The following CTNND2 variants were observed in gnomAD, a reference collection of about 807,000 sequenced individuals.
CTNND2 encodes catenin delta 2.
Under a neutral mutation model 144.4 loss-of-function variants are expected in CTNND2, and 22 were observed. The ratio of observed to expected loss-of-function variants is 0.15; its 90% CI spans 0.11 to 0.22. The LOEUF is 0.22. CTNND2 is among the 10% of genes least tolerant of loss of function. CTNND2 has a pLI of 1.00. For synonymous variants in CTNND2, 751 were observed against 695.6 expected (o/e 1.08, Z -1.25); for missense variants, 1,353 against 1,618.8 (o/e 0.84, Z 2.82).
At chr5:11,469,632 C>T (rs1367615243) in intron 3 of CTNND2, among the ~76,000 whole-genome samples, 1 of 152,222 alleles carries the variant, frequency 6.6e-6, no homozygotes, top group Non-Finnish European at 1.5e-5. Context: ...CCCAGAGCCA[C>T]ACAGTTAAGG....
intron 10 of CTNND2, among the ~76,000 whole-genome samples, chr5:11,212,420 C>T (rs1365377894): frequency 2.0e-5 from 3 of 152,198 alleles, no homozygotes; most frequent in African/African-American, 7.2e-5. Context: ...CGATTAAACT[C>T]TCAAATGCTT....
At chr5:11,194,897 T>C (rs1002438860) in intron 11 of CTNND2, among the ~76,000 whole-genome samples, 5 of 152,212 alleles carry the variant, frequency 3.3e-5, no homozygotes, top group Non-Finnish European at 7.3e-5. Flanking sequence ...CTTGGGCCCC[T>C]GGTAGTGGGA....
chr5:11,525,993 C>A lies in CTNND2; in HGVS notation c.287+38951G>T, dbSNP rs548505079. Among the ~76,000 whole-genome samples the A allele has an allele frequency of 2.6e-5, 4 of 152,332 alleles. No homozygotes were observed. In the East Asian group the frequency reaches 7.7e-4, roughly 29 times the overall value. On this transcript the variant is annotated intron_variant, in intron 3 of 21. Transcript: ENST00000304623. ...TATCTTGGCTCACTACAACCTCCGT[C>A]TCCCAGGTTCAAGGATTCTCCTGCC...
chr5:11,234,681 C>T (rs935655558), intron 10 of CTNND2, among the ~76,000 whole-genome samples: 20 of 152,200 alleles, frequency 1.3e-4, no homozygotes, highest in Middle Eastern at 3.2e-3. Context: ...CCATGGATCA[C>T]GTTTACAGAG....
intron 1 of CTNND2, among the ~76,000 whole-genome samples, chr5:11,809,653 C>CTTAA (rs746091928): frequency 1.3e-5 from 2 of 152,070 alleles, no homozygotes; most frequent in Non-Finnish European, 2.9e-5. Flanking sequence ...TATCACCAGG[C>CTTAA]ATAAACAAGG....
chr5:11,146,461 G>C (rs1757254218), intron 12 of CTNND2, among the ~76,000 whole-genome samples: 1 of 152,060 alleles, frequency 6.6e-6, no homozygotes, highest in South Asian at 2.1e-4. Context: ...AGGGCTCCAG[G>C]GTAAACTGCT....
At chr5:11,783,558 A>C (rs542541346) in intron 1 of CTNND2, among the ~76,000 whole-genome samples, 1 of 152,104 alleles carries the variant, frequency 6.6e-6, no homozygotes. Context: ...TTGGTTTTTC[A>C]TAATGGTTTT....
At chr5:11,251,208 A>G (rs1743613848) in intron 9 of CTNND2, among the ~76,000 whole-genome samples, 2 of 152,220 alleles carry the variant, frequency 1.3e-5, no homozygotes, top group African/African-American at 4.8e-5. Context: ...TTATGGGTTC[A>G]CAAACCTCTT....
intron 3 of CTNND2, among the ~76,000 whole-genome samples, chr5:11,465,239 T>C (rs999272265): frequency 6.6e-6 from 1 of 152,168 alleles, no homozygotes; most frequent in Non-Finnish European, 1.5e-5. Context: ...AAAGCCCCAG[T>C]CTTTTACTAT....
intron 16 of CTNND2, among the ~76,000 whole-genome samples, chr5:11,035,345 C>T (rs1002208682): frequency 4.6e-5 from 7 of 152,162 alleles, no homozygotes; most frequent in African/African-American, 1.4e-4. Context: ...CACCTGATTT[C>T]CTTGGCATGT....
intron 3 of CTNND2, among the ~76,000 whole-genome samples, chr5:11,546,228 C>A (rs1775221141): frequency 6.6e-6 from 1 of 151,948 alleles, no homozygotes; most frequent in Non-Finnish European, 1.5e-5. Flanking sequence ...ATATTAAAAA[C>A]CATTAAATTT....
intron 12 of CTNND2, among the ~76,000 whole-genome samples, chr5:11,122,919 C>T (rs1276634326): frequency 6.6e-6 from 1 of 152,024 alleles, no homozygotes; most frequent in African/African-American, 2.4e-5. Flanking sequence ...CCAGACCCGA[C>T]CCTGGGGATA....
chr5:11,046,067 G>T (rs1012573703), intron 16 of CTNND2, among the ~76,000 whole-genome samples: 2 of 152,078 alleles, frequency 1.3e-5, no homozygotes, highest in East Asian at 3.9e-4. Context: ...CGGGTATGCT[G>T]CCGGTTCTGG....
chr5:11,112,008 A>G (rs911299988), intron 13 of CTNND2, among the ~76,000 whole-genome samples: 9 of 151,702 alleles, frequency 5.9e-5, no homozygotes, highest in Admixed American at 4.6e-4. Flanking sequence ...CACTACGCCC[A>G]GCTAATTTTT....
At chr5:11,219,962 A>G (rs1739619725) in intron 10 of CTNND2, among the ~76,000 whole-genome samples, 1 of 152,020 alleles carries the variant, frequency 6.6e-6, no homozygotes, top group Non-Finnish European at 1.5e-5. Context: ...CCCCAACTCC[A>G]CTCACCAATC....
At chr5:11,447,740 G>A (rs978062892) in intron 3 of CTNND2, among the ~76,000 whole-genome samples, 1 of 152,168 alleles carries the variant, frequency 6.6e-6, no homozygotes, top group African/African-American at 2.4e-5. Context: ...CCAGACAGAA[G>A]TGCATTGCTA....
At chr5:11,764,325 GAAGTAGA>G (rs1389618803) in intron 1 of CTNND2, among the ~76,000 whole-genome samples, 2 of 152,182 alleles carry the variant, frequency 1.3e-5, no homozygotes, top group Non-Finnish European at 2.9e-5. Flanking sequence ...CTGGCCTCCA[GAAGTAGA>G]AAGTAACAAA....
chr5:11,249,595 T>G (rs1561092169), intron 9 of CTNND2, among the ~76,000 whole-genome samples: 1 of 152,186 alleles, frequency 6.6e-6, no homozygotes, highest in Non-Finnish European at 1.5e-5. Flanking sequence ...AGTTGTGTGG[T>G]CATTTTTGTG....
At chr5:11,381,474 C>T (rs906410116) in intron 7 of CTNND2, among the ~76,000 whole-genome samples, 7 of 152,212 alleles carry the variant, frequency 4.6e-5, no homozygotes, top group East Asian at 1.9e-4. Context: ...GATTAACCCC[C>T]GTGGTCTCCT....
Sources: allele counts gnomAD v4.1 joint callset (sites outside exome capture counted in the v4.1 genomes callset), GRCh38; gene constraint gnomAD v4.1.1; transcripts MANE v1.5; gene names NCBI Gene and HGNC (gene_info 2026-07-23, HGNC 2026-07-21).